CAMSAP1: variants seen among roughly 807,000 people sequenced by gnomAD.
CAMSAP1 encodes the protein calmodulin regulated spectrin associated protein 1.
A neutral mutation model predicts 143.5 loss-of-function variants in CAMSAP1; 58 were observed. The ratio of observed to expected loss-of-function variants is 0.40; its 90% CI spans 0.33 to 0.50. The LOEUF is 0.50. Ranked by LOEUF, CAMSAP1 falls within the 20% of genes least tolerant of loss-of-function variation. The pLI, the probability that CAMSAP1 is intolerant of heterozygous loss-of-function variation, is 0.45. For missense variants in CAMSAP1, 1,969 were observed against 2,115.7 expected, an observed-to-expected ratio of 0.93 and a Z score of 1.36; for synonymous variants, 945 against 859.3, an observed-to-expected ratio of 1.10 and a Z score of -1.74.
intron 1 of CAMSAP1, among the ~76,000 whole-genome samples, chr9:135,890,647 G>A (rs1228608746): frequency 2.0e-5 from 3 of 152,190 alleles, no homozygotes; most frequent in Admixed American, 6.5e-5. Context: ...ACTAGAGCAC[G>A]GCTCTGAGGC....
rs79620546 is a variant in CAMSAP1 at position 135,865,933 on chromosome 9, C to T, written c.666+523G>A. Among the ~76,000 whole-genome samples the T allele has an allele frequency of 6.6e-3, 1,003 of 152,278 alleles. 6 individuals are homozygous for T. Among genetic ancestry groups the T allele is most frequent in the African/African-American group, 0.022 (929 of 41,568 alleles). On this transcript the variant is annotated intron_variant, in intron 4 of 16. Coordinates refer to ENST00000389532, the MANE Select transcript of CAMSAP1 (RefSeq NM_015447.4). The stretch of plus-strand genomic sequence containing the variant: ...CTGAGTGAATTCAGTCACACATGTG[C>T]TTGCAAAAGAGAAAATAACGTCAGA...
intron 1 of CAMSAP1, among the ~76,000 whole-genome samples, chr9:135,900,500 C>T (rs1326049585): frequency 6.6e-6 from 1 of 151,754 alleles, no homozygotes; most frequent in Non-Finnish European, 1.5e-5. Context: ...GAGACCATCC[C>T]GGCTAACATG....
intron 1 of CAMSAP1, among the ~76,000 whole-genome samples, chr9:135,900,841 G>A (rs1056178454): frequency 3.9e-5 from 6 of 151,968 alleles, no homozygotes; most frequent in Admixed American, 2.0e-4. Flanking sequence ...CGCAGCCTCC[G>A]CCTCCTGGGT....
chr9:135,857,857 A>C (rs1837032643), intron 5 of CAMSAP1, among the ~76,000 whole-genome samples: 1 of 152,178 alleles, frequency 6.6e-6, no homozygotes, highest in Non-Finnish European at 1.5e-5. Context: ...AGAATTTTAC[A>C]CAAAAGCCCT....
intron 14 of CAMSAP1, 74 bp from the exon 15 acceptor site, chr9:135,816,079 GC>G: frequency 7.2e-7 from 1 of 1,391,802 alleles, no homozygotes; most frequent in Non-Finnish European, 1.0e-6. Context: ...CAAGGGGCTG[GC>G]CCGCAACCAG....
intron 14 of CAMSAP1, 127 bp downstream of exon 14, chr9:135,817,850 G>A: frequency 2.7e-6 from 2 of 753,928 alleles, no homozygotes; most frequent in Non-Finnish European, 4.3e-6. Context: ...CAACTATTCT[G>A]TAAATGTGAA....
At chr9:135,904,413 A>T (rs1838709563) in intron 1 of CAMSAP1, among the ~76,000 whole-genome samples, 1 of 151,224 alleles carries the variant, frequency 6.6e-6, no homozygotes, top group South Asian at 2.1e-4. Flanking sequence ...AAAAAAAAAA[A>T]AAAAAAGGAA....
chr9:135,864,764 C>G (rs1837315122), intron 4 of CAMSAP1, among the ~76,000 whole-genome samples: 1 of 152,220 alleles, frequency 6.6e-6, no homozygotes, highest in South Asian at 2.1e-4. Context: ...AGACCCTTGC[C>G]TGGGAATAAG....
At chr9:135,836,034 A>T in intron 7 of CAMSAP1, 1 of 791,542 alleles carries the variant, frequency 1.3e-6, no homozygotes, top group Non-Finnish European at 1.5e-6. Flanking sequence ...TATCCAACAG[A>T]CTCAAAAAAC....
At chr9:135,835,706 C>T (rs1235657217) in intron 7 of CAMSAP1, among the ~76,000 whole-genome samples, 2 of 152,182 alleles carry the variant, frequency 1.3e-5, no homozygotes, top group African/African-American at 4.8e-5. Context: ...TGGCTGGGCA[C>T]GGTGGCTCAC....
chr9:135,819,169 A>G, intron 11 of CAMSAP1, 23 bp from the exon 12 acceptor site: 2 of 1,590,230 alleles, frequency 1.3e-6, no homozygotes, highest in Non-Finnish European at 1.7e-6. Context: ...GGCCACACAG[A>G]GCATGACAGG....
intron 7 of CAMSAP1, 41 bp downstream of exon 7, chr9:135,850,096 C>G (rs1472857928): frequency 6.6e-7 from 1 of 1,522,448 alleles, no homozygotes; most frequent in Non-Finnish European, 8.9e-7. Context: ...TCTAGGCTCT[C>G]AAGGAAACCA....
intron 14 of CAMSAP1, among the ~76,000 whole-genome samples, chr9:135,816,693 G>C (rs1182969504): frequency 3.3e-5 from 5 of 152,218 alleles, no homozygotes; most frequent in Non-Finnish European, 7.3e-5. Context: ...GGAGCCATGA[G>C]ACGGGTGAAG....
chr9:135,892,848 C>CAAAA (rs59978082), intron 1 of CAMSAP1, among the ~76,000 whole-genome samples: 7,899 of 41,772 alleles, frequency 0.19, 1,262 homozygotes, highest in Middle Eastern at 0.29. Context: ...AAGACTGTCT[C>CAAAA]AAAAAAAAAA....
chr9:135,858,585 G>C (rs1837060441), intron 5 of CAMSAP1, among the ~76,000 whole-genome samples: 1 of 152,208 alleles, frequency 6.6e-6, no homozygotes, highest in South Asian at 2.1e-4. Context: ...GGGTTCTCCA[G>C]ACAGACAGAA....
chr9:135,891,065 C>T (rs1838275596), intron 1 of CAMSAP1, among the ~76,000 whole-genome samples: 1 of 152,222 alleles, frequency 6.6e-6, no homozygotes, highest in Admixed American at 6.5e-5. Context: ...TTTCTCTTTT[C>T]TGCCCTGGCT....
intron 4 of CAMSAP1, among the ~76,000 whole-genome samples, chr9:135,864,245 C>G (rs371292670): frequency 2.0e-5 from 3 of 152,344 alleles, no homozygotes; most frequent in Middle Eastern, 3.4e-3. Flanking sequence ...AGTCTGTGAG[C>G]CCTTGACTAA....
In CAMSAP1 at chr9:135,866,443, A is replaced by G. The variant is rs1408476476; in HGVS notation, c.666+13T>C. ...ACTTAGTGCATTCCAGAAAAATTAA[A>G]TTTACCCTTTACCTTTTGATGAGCT... is the stretch of plus-strand genomic sequence containing the variant. On this transcript the variant is annotated intron_variant, in intron 4 of 16. Transcript: ENST00000389532. 35 of 1,340,604 alleles carry G rather than the reference A, an allele frequency of 2.6e-5. 2 individuals are homozygous for G. In the South Asian group the frequency reaches 3.8e-4, roughly 14 times the overall value. 83.0% of individuals were successfully genotyped at this position (1,340,604 alleles called of 1,614,324 possible). A position where few individuals can be genotyped will look rare whatever the true frequency, so the allele number is the denominator to read the frequency against.
chr9:135,863,180 G>T (rs974836686), intron 4 of CAMSAP1, among the ~76,000 whole-genome samples: 4 of 152,150 alleles, frequency 2.6e-5, no homozygotes, highest in Non-Finnish European at 5.9e-5. Context: ...GCATCAGGAG[G>T]CGAAATCCAT....
Sources: allele counts gnomAD v4.1 joint callset (sites outside exome capture counted in the v4.1 genomes callset), GRCh38; gene constraint gnomAD v4.1.1; transcripts MANE v1.5; gene names NCBI Gene and HGNC (gene_info 2026-07-23, HGNC 2026-07-21).